RPS6KA1: variants seen among roughly 807,000 people sequenced by gnomAD.
RPS6KA1 encodes ribosomal protein S6 kinase alpha-1.
In RPS6KA1, 48 loss-of-function variants were observed where a neutral mutation model predicts 91.3. That is an observed-to-expected ratio of 0.53 (90% CI 0.42 to 0.67). The LOEUF (loss-of-function observed/expected upper bound fraction) is 0.67, where lower values mean the gene tolerates loss of function less well. RPS6KA1 is among the 30% of genes least tolerant of loss of function. The pLI is 0.00. For synonymous variants in RPS6KA1, 359 were observed against 384.7 expected (o/e 0.93, Z 0.78); for missense variants, 719 against 960.5 (o/e 0.75, Z 3.32).
chr1:26,556,556 G>A, intron 11 of RPS6KA1, 98 bp from the exon 12 acceptor site: 1 of 1,299,948 alleles, frequency 7.7e-7, no homozygotes, highest in Non-Finnish European at 1.1e-6. Flanking sequence ...CTCTGCTCCA[G>A]CAGCTGGTCC....
intron 6 of RPS6KA1, among the ~76,000 whole-genome samples, chr1:26,552,109 G>T (rs1395413575): frequency 6.6e-6 from 1 of 152,168 alleles, no homozygotes; most frequent in Non-Finnish European, 1.5e-5. Context: ...AGGATTTGAG[G>T]CTGGGCGCAG....
chr1:26,570,305 C>G (rs530448744), intron 17 of RPS6KA1, among the ~76,000 whole-genome samples: 1 of 151,844 alleles, frequency 6.6e-6, no homozygotes, highest in Non-Finnish European at 1.5e-5. Flanking sequence ...GGCAACATAG[C>G]GAGACCCTGT....
chr1:26,557,810 T>TCCCC (rs2076117206), intron 13 of RPS6KA1, among the ~76,000 whole-genome samples: 1 of 38,034 alleles, frequency 2.6e-5, no homozygotes, highest in Non-Finnish European at 4.9e-5. Flanking sequence ...TCCCCTCCCC[T>TCCCC]TCCCTCTCCT....
At chr1:26,548,290 G>A (rs761977245) in intron 4 of RPS6KA1, among the ~76,000 whole-genome samples, 9 of 152,158 alleles carry the variant, frequency 5.9e-5, no homozygotes, top group Middle Eastern at 3.4e-3. Context: ...TGGTGCAGCC[G>A]GTGCTGTGAC....
In RPS6KA1 at chr1:26,548,396, G is replaced by T. The variant is rs144753774; in HGVS notation, c.307+1126G>T. On this transcript the variant is annotated intron_variant, in intron 4 of 21. Transcript: ENST00000374168. ...GAGGCCAAGGGGACACCTAAGGAGC[G>T]GGAAGCCTTGGAGGATGAGTGGATT... Among the ~76,000 whole-genome samples, 67 of 152,262 alleles carry T rather than the reference G, an allele frequency of 4.4e-4. 1 individual carries two copies. The highest frequency in any genetic ancestry group is 1.5e-3 in the African/African-American group (64 of 41,544).
At chr1:26,530,090 G>GCACT in intron 1 of RPS6KA1, 107 bp downstream of exon 1, 1 of 659,154 alleles carries the variant, frequency 1.5e-6, no homozygotes, top group Non-Finnish European at 2.1e-6. Flanking sequence ...GCCCGCGAGG[G>GCACT]CGCGAGTGCC....
intron 2 of RPS6KA1, among the ~76,000 whole-genome samples, chr1:26,537,559 A>G (rs1487658421): frequency 1.3e-5 from 2 of 152,152 alleles, no homozygotes; most frequent in Non-Finnish European, 2.9e-5. Context: ...GTGTTTTGCC[A>G]GAAGCACCAG....
chr1:26,533,865 G>A (rs912240637), intron 1 of RPS6KA1, among the ~76,000 whole-genome samples: 1 of 152,058 alleles, frequency 6.6e-6, no homozygotes, highest in Non-Finnish European at 1.5e-5. Context: ...AGATGACCCC[G>A]GACCCAGGAC....
chr1:26,557,727 T>C (rs2076114990), intron 13 of RPS6KA1, among the ~76,000 whole-genome samples: 1 of 150,958 alleles, frequency 6.6e-6, no homozygotes, highest in Non-Finnish European at 1.5e-5. Flanking sequence ...TATAAGGGCA[T>C]GTTTTAGGAG....
chr1:26,552,861 TCCTC>T, intron 6 of RPS6KA1: 1 of 424,638 alleles, frequency 2.4e-6, no homozygotes, highest in South Asian at 1.7e-5. Context: ...GAAGAAGTCT[TCCTC>T]CCACCCCAGC....
In RPS6KA1 at chr1:26,561,581, G is replaced by A. The variant is rs748782890; in HGVS notation, c.1508G>A (p.Arg503Gln). 1.1e-5 allele frequency: 18 copies of A among 1,614,134 alleles called. No homozygotes were observed. The highest frequency in any genetic ancestry group is 1.5e-5 in the Non-Finnish European group (18 of 1,179,998). ...RGGELLDKILRQKFFSEREAS... is the reference protein window; with the variant it reads ...RGGELLDKILQQKFFSEREAS... Reference sequence around the variant, plus strand: ...GGGGAGCTGCTGGACAAGATCCTGCGGCAGAAGTTCTTCTCAGAGCGGGAG... The same window carrying A: ...GGGGAGCTGCTGGACAAGATCCTGCAGCAGAAGTTCTTCTCAGAGCGGGAG... The change falls in exon 17 of 22, where the codon CGG becomes CAG. Residue 503 changes from arginine to glutamine, a missense_variant. Arg to Gln is a conservative substitution (Grantham distance 43). Transcript: ENST00000374168. The surrounding 1 kb of genome is among the most constrained non-coding windows in gnomAD (Gnocchi z 5.7).
In RPS6KA1 at chr1:26,558,212, CAGA is replaced by C. The variant is rs1354425977; in HGVS notation, c.1085-594_1085-592del. ...AGGAGCAGCATCAGGCAAGGCTTCT[CAGA>C]GGAGGGAGCGTGCGAGTTGAGTCTT... is the stretch of plus-strand genomic sequence containing the variant. On this transcript the variant is annotated intron_variant, in intron 13 of 21. Transcript: ENST00000374168. This position sits in a 1 kb window ranked among gnomAD's most constrained non-coding sequence, Gnocchi z 4.0. Among the ~76,000 whole-genome samples the C allele has an allele frequency of 6.6e-6, 1 of 152,176 alleles. No individual in the cohort carries two copies. Among genetic ancestry groups the C allele is most frequent in the African/African-American group, 2.4e-5 (1 of 41,452 alleles).
At chr1:26,530,969 C>G in intron 1 of RPS6KA1, 2 of 1,074,446 alleles carry the variant, frequency 1.9e-6, no homozygotes, top group South Asian at 3.8e-5. Context: ...TCATTTGAGC[C>G]CAGGAGCTGA....
At chr1:26,530,069 G>C in intron 1 of RPS6KA1, 86 bp downstream of exon 1, 2 of 984,378 alleles carry the variant, frequency 2.0e-6, no homozygotes, top group Non-Finnish European at 2.6e-6. Flanking sequence ...CGCCGCTGCA[G>C]TCCGGCGGGC....
Position 26,574,096 on chromosome 1 carries a change from G to A in RPS6KA1, c.2103G>A (p.Thr701=), listed in dbSNP as rs201125214. The change falls in exon 22 of 22, where the codon ACG becomes ACA. Residue 701 remains threonine, a synonymous_variant. Transcript: ENST00000374168. This position sits in a 1 kb window ranked among gnomAD's most constrained non-coding sequence, Gnocchi z 4.3. ...LQLVKGAMAA[T]YSALNSSKPT... ...TCTTTCAGGGAGCCATGGCTGCCAC[G>A]TACTCCGCACTCAACAGCTCCAAGC... is the stretch of plus-strand genomic sequence containing the variant. 50 of 1,614,010 alleles carry A rather than the reference G, an allele frequency of 3.1e-5. No homozygotes were observed. In the African/African-American group the frequency reaches 3.9e-4, roughly 12 times the overall value.
At chr1:26,557,845 T>C (rs796792956) in intron 13 of RPS6KA1, among the ~76,000 whole-genome samples, 10 of 137,062 alleles carry the variant, frequency 7.3e-5, no homozygotes, top group African/African-American at 2.7e-4. Flanking sequence ...TCTCCTCTTT[T>C]CAAGATGGAG....
chr1:26,548,374 G>C (rs910655815), intron 4 of RPS6KA1, among the ~76,000 whole-genome samples: 25 of 152,264 alleles, frequency 1.6e-4, no homozygotes, highest in African/African-American at 5.3e-4. Flanking sequence ...GGGCCCAGAG[G>C]CCAAGGGGAC....
intron 4 of RPS6KA1, among the ~76,000 whole-genome samples, chr1:26,549,032 G>A (rs960518765): frequency 3.3e-5 from 5 of 150,944 alleles, no homozygotes; most frequent in African/African-American, 9.8e-5. Flanking sequence ...ACATGCAGGA[G>A]GAGTACATTG....
Position 26,561,488 on chromosome 1 carries a change from G to A in RPS6KA1, c.1432-17G>A, listed in dbSNP as rs752643614. 4 of 1,614,130 alleles carry A rather than the reference G, an allele frequency of 2.5e-6. No homozygotes were observed. In the South Asian group the frequency reaches 4.4e-5, roughly 18 times the overall value. On this transcript the variant is annotated splice_polypyrimidine_tract_variant and intron_variant, in intron 16 of 21. Coordinates refer to ENST00000374168, the MANE Select transcript of RPS6KA1 (RefSeq NM_002953.4). This position sits in a 1 kb window ranked among gnomAD's most constrained non-coding sequence, Gnocchi z 5.7. ...CTGACACTGGGGAGAAGAGCCTGAT[G>A]GTGAGGTCTTCGGCAGGTGTATGAT...
Sources: gnomAD v4.1 joint callset for allele counts (sites outside exome capture counted in the v4.1 genomes callset) on GRCh38, gnomAD v4.1.1 for gene constraint, Gnocchi (gnomAD v3.1) non-coding constraint, MANE v1.5 for transcripts, NCBI Gene and HGNC (gene_info 2026-07-23, HGNC 2026-07-21) for gene names.